Variants in CD2AP observed in about 807,000 individuals in gnomAD.
CD2AP encodes the protein CD2 associated protein.
CD2AP carries 46 observed loss-of-function variants against 85.1 expected under a neutral mutation model. The observed-to-expected ratio is 0.54, with a 90% CI of 0.43 to 0.69. The LOEUF is 0.69. Ranked by LOEUF, CD2AP falls within the 30% of genes least tolerant of loss-of-function variation. The pLI, the probability that CD2AP is intolerant of heterozygous loss-of-function variation, is 0.00. For missense variants in CD2AP, 769 were observed against 729.5 expected, an observed-to-expected ratio of 1.05 and a Z score of -0.62; for synonymous variants, 255 against 252.9, an observed-to-expected ratio of 1.01 and a Z score of -0.08.
chr6:47,482,352 A>T (rs1021611972), intron 1 of CD2AP, among the ~76,000 whole-genome samples: 4 of 151,198 alleles, frequency 2.6e-5, no homozygotes, highest in African/African-American at 9.7e-5. Context: ...TGTAGAAATG[A>T]GCCGGAAGTT....
At chr6:47,481,441 G>A (rs1281216913) in intron 1 of CD2AP, among the ~76,000 whole-genome samples, 1 of 152,120 alleles carries the variant, frequency 6.6e-6, no homozygotes, top group Non-Finnish European at 1.5e-5. Context: ...CGCCTCCTGG[G>A]TTCAAGGGAT....
chr6:47,511,902 TA>T (rs1766322072), intron 2 of CD2AP, among the ~76,000 whole-genome samples: 1 of 152,102 alleles, frequency 6.6e-6, no homozygotes, highest in Non-Finnish European at 1.5e-5. Context: ...CTCACACTTG[TA>T]ATCCCAGCAC....
intron 1 of CD2AP, among the ~76,000 whole-genome samples, chr6:47,501,589 AAAC>A (rs982839797): frequency 5.3e-5 from 8 of 151,908 alleles, no homozygotes; most frequent in African/African-American, 1.7e-4. Context: ...TTGGCTTAAC[AAAC>A]AACAGTGTCT....
chr6:47,564,439 TTTATAA>T (rs1479109153), intron 5 of CD2AP, among the ~76,000 whole-genome samples: 3 of 152,156 alleles, frequency 2.0e-5, no homozygotes, highest in Admixed American at 6.5e-5. Context: ...GTTCATTACT[TTTATAA>T]TTATAAAATA....
chr6:47,576,882 A>C, intron 7 of CD2AP, 127 bp from the exon 8 acceptor site: 1 of 684,650 alleles, frequency 1.5e-6, no homozygotes, highest in East Asian at 2.7e-5. Flanking sequence ...AAGTATTTTA[A>C]AATTTAAAGA....
In CD2AP at chr6:47,626,266, T is replaced by C. The variant is rs1043276; in HGVS notation, c.*2039T>C. 93,357 of 151,694 alleles carry C rather than the reference T, an allele frequency of 0.62. 29,612 individuals carry two copies. Among genetic ancestry groups the C allele is most frequent in the Middle Eastern group, 0.74 (219 of 294 alleles). The allele number at this position is 151,694 out of a possible 1,614,324, so 9.4% of individuals were successfully genotyped here. On this transcript the variant is annotated 3_prime_UTR_variant, in exon 18 of 18. Transcript: ENST00000359314. ...AGAATAGAAAAGTAACTGAAATACT[T>C]TTACCTTTCTGTCCTTGATAAAATA...
intron 2 of CD2AP, among the ~76,000 whole-genome samples, chr6:47,504,483 A>G (rs1766075285): frequency 6.6e-6 from 1 of 152,244 alleles, no homozygotes. Context: ...GATCTGTTAT[A>G]TAAAATGGCA....
rs552499622 is a variant in CD2AP at position 47,606,042 on chromosome 6, G to C, written c.1418-123G>C. On this transcript the variant is annotated intron_variant, in intron 13 of 17. Transcript: ENST00000359314. Reference sequence around the variant, plus strand: ...GCATATGAAAAGCACAGGTCAATTTGTGAGTTCTTCAAAGTAGTGGTACTC... The same window carrying C: ...GCATATGAAAAGCACAGGTCAATTTCTGAGTTCTTCAAAGTAGTGGTACTC... 1.3e-4 allele frequency: 80 copies of C among 625,318 alleles called. No individual in the cohort carries two copies. The African/African-American group carries it at 1.3e-3, about 10-fold the overall frequency. 38.7% of individuals were successfully genotyped at this position (625,318 alleles called of 1,614,324 possible). A position where few individuals can be genotyped will look rare whatever the true frequency, so the allele number is the denominator to read the frequency against.
intron 11 of CD2AP, among the ~76,000 whole-genome samples, chr6:47,585,125 C>G (rs1215221408): frequency 6.6e-6 from 1 of 150,858 alleles, no homozygotes; most frequent in Non-Finnish European, 1.5e-5. Context: ...AACCCCGTCT[C>G]TACTAAAAAT....
intron 1 of CD2AP, among the ~76,000 whole-genome samples, chr6:47,484,345 T>A (rs1385687603): frequency 8.6e-6 from 1 of 116,618 alleles, no homozygotes; most frequent in African/African-American, 3.1e-5. Context: ...AAACTTGATA[T>A]TACCTCTTTT....
chr6:47,573,690 C>T (rs1215042963), intron 5 of CD2AP, among the ~76,000 whole-genome samples: 4 of 151,894 alleles, frequency 2.6e-5, no homozygotes, highest in South Asian at 4.2e-4. Context: ...GGGGTTTCAC[C>T]GTGTTAGCCA....
intron 4 of CD2AP, among the ~76,000 whole-genome samples, chr6:47,551,121 A>G (rs1249079794): frequency 6.6e-6 from 1 of 152,134 alleles, no homozygotes; most frequent in Non-Finnish European, 1.5e-5. Flanking sequence ...GAATCTCACA[A>G]ATCACCACTA....
Position 47,581,209 on chromosome 6 carries a change from G to T in CD2AP, c.1045+309G>T, listed in dbSNP as rs1352029. 0.6 allele frequency among the ~76,000 whole-genome samples: 91,821 copies of T among 151,878 alleles called. 28,556 individuals carry two copies. Among genetic ancestry groups the T allele is most frequent in the Middle Eastern group, 0.74 (218 of 294 alleles). ...GACCTGGCCAACTAGTTATTCTACC[G>T]TTTCAAATGAAATCCATTTGTTAAT... On this transcript the variant is annotated intron_variant, in intron 10 of 17. Coordinates refer to ENST00000359314, the MANE Select transcript of CD2AP (RefSeq NM_012120.3).
At chr6:47,583,773 A>G (rs1768547093) in intron 11 of CD2AP, among the ~76,000 whole-genome samples, 1 of 152,178 alleles carries the variant, frequency 6.6e-6, no homozygotes, top group African/African-American at 2.4e-5. Context: ...ATTTGGGTAA[A>G]TACCAAGGAG....
intron 1 of CD2AP, among the ~76,000 whole-genome samples, chr6:47,503,045 CATT>C (rs1335383160): frequency 1.3e-5 from 2 of 152,114 alleles, no homozygotes; most frequent in Non-Finnish European, 2.9e-5. Flanking sequence ...ATGAATTATG[CATT>C]ATTTTTCTTT....
At chr6:47,582,790 G>GTTTTTTTTTTTTTTTTTTT (rs1554181771) in intron 11 of CD2AP, among the ~76,000 whole-genome samples, 2 of 86,794 alleles carry the variant, frequency 2.3e-5, no homozygotes. Flanking sequence ...GTTTTTTTTT[G>GTTTTTTTTTTTTTTTTTTT]TTTTGTTTTT....
At chr6:47,616,705 C>A (rs746946152) in intron 17 of CD2AP, among the ~76,000 whole-genome samples, 2 of 152,144 alleles carry the variant, frequency 1.3e-5, no homozygotes, top group South Asian at 4.1e-4. Flanking sequence ...ACTTGAGGTT[C>A]ATTTGTGAAA....
intron 1 of CD2AP, among the ~76,000 whole-genome samples, chr6:47,478,812 A>G (rs1765376407): frequency 1.3e-5 from 2 of 152,144 alleles, no homozygotes; most frequent in African/African-American, 4.8e-5. Context: ...TACCTAGGCA[A>G]GTGTGTTGGC....
chr6:47,541,606 T>C (rs533259604), intron 3 of CD2AP, among the ~76,000 whole-genome samples: 1 of 152,260 alleles, frequency 6.6e-6, no homozygotes, highest in African/African-American at 2.4e-5. Flanking sequence ...ATTGGTTGCA[T>C]GTAGTGTGCT....
Sources: allele counts gnomAD v4.1 joint callset (sites outside exome capture counted in the v4.1 genomes callset), GRCh38; gene constraint gnomAD v4.1.1; transcripts MANE v1.5; gene names NCBI Gene and HGNC (gene_info 2026-07-23, HGNC 2026-07-21).